SRGAP3: variants seen among roughly 807,000 people sequenced by gnomAD.
The protein encoded by SRGAP3 is SLIT-ROBO Rho GTPase-activating protein 3.
SRGAP3 carries 39 observed loss-of-function variants against 121.1 expected under a neutral mutation model. That is an observed-to-expected ratio of 0.32 (90% CI 0.25 to 0.42). The LOEUF (loss-of-function observed/expected upper bound fraction) is 0.42. Ranked by LOEUF, SRGAP3 falls within the 10% of genes least tolerant of loss-of-function variation. The pLI is 1.00. For missense variants in SRGAP3, 1,213 were observed against 1,470.6 expected, an observed-to-expected ratio of 0.82 and a Z score of 2.86; for synonymous variants, 601 against 570.0, an observed-to-expected ratio of 1.05 and a Z score of -0.77.
chr3:9,052,534 T>C (rs1945628366), intron 9 of SRGAP3, among the ~76,000 whole-genome samples: 1 of 152,200 alleles, frequency 6.6e-6, no homozygotes. Flanking sequence ...AGTCCCCGTC[T>C]CCTTTCTCCT....
intron 3 of SRGAP3, among the ~76,000 whole-genome samples, chr3:9,308,221 G>C (rs1242513594): frequency 1.3e-5 from 2 of 152,206 alleles, no homozygotes; most frequent in African/African-American, 4.8e-5. Flanking sequence ...AGGGACAACT[G>C]AAGCATGTTC....
Position 8,985,949 on chromosome 3 carries a change from C to T in SRGAP3, c.2887-17G>A. 6.3e-7 allele frequency: 1 copy of T among 1,599,656 alleles called. No individual in the cohort carries two copies. The highest frequency in any genetic ancestry group is 8.5e-7 in the Non-Finnish European group (1 of 1,179,920). On this transcript the variant is annotated splice_polypyrimidine_tract_variant and intron_variant, in intron 21 of 21. Transcript: ENST00000383836. The surrounding 1 kb of genome is among the most constrained non-coding windows in gnomAD (Gnocchi z 5.1). ...CTCGATGTCCTGGGGACAGAGGGAG[C>T]TGGGGTCAGCACAGTCTGGAGACCT...
At chr3:9,332,566 T>C (rs1955625897) in intron 1 of SRGAP3, among the ~76,000 whole-genome samples, 1 of 152,214 alleles carries the variant, frequency 6.6e-6, no homozygotes, top group Non-Finnish European at 1.5e-5. Flanking sequence ...ACTGAACAGA[T>C]ACTGATGAGA....
intron 1 of SRGAP3, among the ~76,000 whole-genome samples, chr3:9,332,635 A>C (rs2648554): frequency 0.77 from 117,138 of 152,176 alleles, 45,701 homozygotes; most frequent in African/African-American, 0.89. Context: ...TATATAAAAG[A>C]AAAGAATTGT....
rs58245906 is a variant in SRGAP3 at position 9,355,195 on chromosome 3, G to A, written n.214+7645C>T. The stretch of plus-strand genomic sequence containing the variant: ...AACCCAAATCTAAAACACCAGCAAT[G>A]ACAGCCCATCCTTCAAAACACCCCA... On this transcript the variant is annotated intron_variant and non_coding_transcript_variant, in intron 1 of 3. Coordinates refer to the SRGAP3 transcript ENST00000490889. Among the ~76,000 whole-genome samples the A allele has an allele frequency of 5.7e-4, 87 of 152,168 alleles. 2 individuals are homozygous for A. The East Asian group carries it at 0.016, about 28-fold the overall frequency.
intron 1 of SRGAP3, among the ~76,000 whole-genome samples, chr3:9,126,705 A>G (rs999994232): frequency 6.6e-5 from 10 of 151,448 alleles, no homozygotes; most frequent in African/African-American, 2.4e-4. Flanking sequence ...CTCAGTTATA[A>G]GTGGGACCTA....
intron 3 of SRGAP3, among the ~76,000 whole-genome samples, chr3:9,314,961 A>G (rs1277180364): frequency 6.6e-6 from 1 of 152,178 alleles, no homozygotes; most frequent in Non-Finnish European, 1.5e-5. Flanking sequence ...CCTTGGCATG[A>G]CCAGTGTTAT....
In SRGAP3 at chr3:9,249,071, A is replaced by T. The variant is rs1953924722; in HGVS notation, c.-120T>A. 3.1e-6 allele frequency: 3 copies of T among 965,514 alleles called. No homozygotes were observed. In the Admixed American group the frequency reaches 5.7e-5, roughly 18 times the overall value. The allele number at this position is 965,514 out of a possible 1,614,324, so 59.8% of individuals were successfully genotyped here. A position where few individuals can be genotyped will look rare whatever the true frequency, so the allele number is the denominator to read the frequency against. On this transcript the variant is annotated 5_prime_UTR_variant, in exon 1 of 22. Transcript: ENST00000383836. ...GGTCGATTTCACAGGTTTAGGGACT[A>T]ATCTCTTTCACTTGGCTGCAGAGCA...
chr3:9,212,041 T>C (rs190087154), intron 1 of SRGAP3, among the ~76,000 whole-genome samples: 31 of 151,180 alleles, frequency 2.1e-4, no homozygotes, highest in Middle Eastern at 3.4e-3. Context: ...TGGTGTTTTC[T>C]TAACTTTTTG....
At chr3:9,172,493 T>A (rs1951019663) in intron 1 of SRGAP3, among the ~76,000 whole-genome samples, 1 of 152,150 alleles carries the variant, frequency 6.6e-6, no homozygotes, top group African/African-American at 2.4e-5. Flanking sequence ...GACTTGAAAA[T>A]CTTTTGTTGG....
At chr3:9,203,353 C>G (rs1179360151) in intron 1 of SRGAP3, among the ~76,000 whole-genome samples, 1 of 152,230 alleles carries the variant, frequency 6.6e-6, no homozygotes, top group Non-Finnish European at 1.5e-5. Flanking sequence ...CTTAACCTCT[C>G]TGAATCAATT....
At chr3:9,264,990 TAACCAAAACAGC>T (rs1294390836) in intron 3 of SRGAP3, among the ~76,000 whole-genome samples, 1 of 152,192 alleles carries the variant, frequency 6.6e-6, no homozygotes, top group African/African-American at 2.4e-5. Context: ...AAGGCTACAG[TAACCAAAACAGC>T]ATGGTACTGG....
chr3:9,158,187 C>T lies in SRGAP3; in HGVS notation c.68-33270G>A, dbSNP rs564967382. 1.2e-4 allele frequency among the ~76,000 whole-genome samples: 19 copies of T among 152,258 alleles called. No homozygotes were observed. In the East Asian group the frequency reaches 2.1e-3, roughly 17 times the overall value. ...ATGTGACCAAATCAGGGCTTCTCTC[C>T]GGCTCTCCTGTCCGCTCAAACCTGG... On this transcript the variant is annotated intron_variant, in intron 1 of 21. Coordinates refer to ENST00000383836, the MANE Select transcript of SRGAP3 (RefSeq NM_014850.4).
chr3:9,079,765 C>T (rs965118471), intron 4 of SRGAP3, among the ~76,000 whole-genome samples: 9 of 152,004 alleles, frequency 5.9e-5, no homozygotes, highest in South Asian at 4.1e-4. Flanking sequence ...GCAGGTAACA[C>T]GCCCCACAGC....
chr3:9,062,129 C>T (rs558541300), intron 5 of SRGAP3, among the ~76,000 whole-genome samples: 25 of 152,292 alleles, frequency 1.6e-4, no homozygotes, highest in African/African-American at 5.5e-4. Context: ...TTCCAGTGGA[C>T]AACTATGACC....
chr3:9,296,163 CAA>C (rs1954951670), intron 3 of SRGAP3, among the ~76,000 whole-genome samples: 1 of 152,166 alleles, frequency 6.6e-6, no homozygotes, highest in African/African-American at 2.4e-5. Flanking sequence ...ACCCAGAAGT[CAA>C]ATTACTGGAT....
At chr3:9,049,614 C>A in intron 9 of SRGAP3, 1 of 410,622 alleles carries the variant, frequency 2.4e-6, no homozygotes, top group South Asian at 1.8e-5. Flanking sequence ...GGCAGAGGGC[C>A]AGGGGCTTGT....
upstream of SRGAP3, among the ~76,000 whole-genome samples, chr3:9,254,316 A>G (rs1559245182): frequency 6.6e-6 from 1 of 152,244 alleles, no homozygotes; most frequent in Non-Finnish European, 1.5e-5. Context: ...AACCTTAAAA[A>G]TATTATGCTA....
chr3:9,083,432 C>T (rs939053337), intron 3 of SRGAP3, among the ~76,000 whole-genome samples: 4 of 152,178 alleles, frequency 2.6e-5, no homozygotes, highest in African/African-American at 9.7e-5. Flanking sequence ...TATGAATAAA[C>T]AAACATATAT....
Sources: allele counts gnomAD v4.1 joint callset (sites outside exome capture counted in the v4.1 genomes callset), GRCh38; gene constraint gnomAD v4.1.1; non-coding constraint Gnocchi (gnomAD v3.1); transcripts MANE v1.5; gene names NCBI Gene and HGNC (gene_info 2026-07-23, HGNC 2026-07-21).